SPATS2: variants seen among roughly 807,000 people sequenced by gnomAD.
The protein encoded by SPATS2 is spermatogenesis associated serine rich 2, also known as spermatogenesis-associated serine-rich protein 2.
A neutral mutation model predicts 63.7 loss-of-function variants in SPATS2; 38 were observed. The ratio of observed to expected loss-of-function variants is 0.60; its 90% CI spans 0.46 to 0.78. The LOEUF is 0.78. Ranked by LOEUF, SPATS2 falls within the 30% of genes least tolerant of loss-of-function variation. SPATS2 has a pLI of 0.00. For missense variants in SPATS2, 588 were observed against 666.2 expected (o/e 0.88, Z 1.29); for synonymous variants, 207 against 232.9 (o/e 0.89, Z 1.01).
At chr12:49,370,384 G>A (rs1185374475) in intron 1 of SPATS2, among the ~76,000 whole-genome samples, 1 of 152,148 alleles carries the variant, frequency 6.6e-6, no homozygotes, top group Non-Finnish European at 1.5e-5. Context: ...GCTTTCATTG[G>A]AAACTGGAAG....
chr12:49,491,212 C>T (rs1946377063), intron 6 of SPATS2: 3 of 152,598 alleles, frequency 2.0e-5, no homozygotes, highest in Admixed American at 2.0e-4. Flanking sequence ...ACAGTCCTCT[C>T]CGTGTGATTT....
At chr12:49,395,684 C>T (rs1293379083) in intron 2 of SPATS2, among the ~76,000 whole-genome samples, 1 of 152,150 alleles carries the variant, frequency 6.6e-6, no homozygotes, top group African/African-American at 2.4e-5. Flanking sequence ...CCTCAGCCTC[C>T]CAAAGTGCTG....
chr12:49,516,338 C>T (rs1946850039), intron 10 of SPATS2, among the ~76,000 whole-genome samples: 2 of 144,818 alleles, frequency 1.4e-5, no homozygotes, highest in East Asian at 2.0e-4. Context: ...CCAGCCTGGG[C>T]GATAGAGCAA....
chr12:49,410,027 G>A (rs1295259567), intron 2 of SPATS2, among the ~76,000 whole-genome samples: 1 of 152,202 alleles, frequency 6.6e-6, no homozygotes, highest in Admixed American at 6.5e-5. Flanking sequence ...AAATGGTGAA[G>A]AATTGTAGAA....
At chr12:49,523,900 T>C (rs1435761144) in intron 12 of SPATS2, among the ~76,000 whole-genome samples, 1 of 151,196 alleles carries the variant, frequency 6.6e-6, no homozygotes, top group Non-Finnish European at 1.5e-5. Flanking sequence ...TGCAGTGAGC[T>C]GAGATTGTGC....
intron 2 of SPATS2, among the ~76,000 whole-genome samples, chr12:49,374,150 A>T (rs1250188919): frequency 6.6e-6 from 1 of 151,604 alleles, no homozygotes; most frequent in Non-Finnish European, 1.5e-5. Context: ...TTTTTTTTGG[A>T]AACAGGGTTT....
At chr12:49,458,018 T>C (rs781262563) in intron 2 of SPATS2, among the ~76,000 whole-genome samples, 1 of 152,188 alleles carries the variant, frequency 6.6e-6, no homozygotes, top group Non-Finnish European at 1.5e-5. Flanking sequence ...TTTAAAACTT[T>C]CGCAGAATTA....
At chr12:49,435,197 A>AT (rs1945253281) in intron 2 of SPATS2, among the ~76,000 whole-genome samples, 4 of 150,844 alleles carry the variant, frequency 2.7e-5, no homozygotes. Context: ...TACCCGGCTA[A>AT]TTTTTTGTAT....
intron 2 of SPATS2, among the ~76,000 whole-genome samples, chr12:49,405,129 A>G (rs1048439087): frequency 6.6e-6 from 1 of 152,164 alleles, no homozygotes; most frequent in African/African-American, 2.4e-5. Context: ...GGTTTAACCC[A>G]TTATTATTAT....
intron 2 of SPATS2, among the ~76,000 whole-genome samples, chr12:49,448,461 G>A (rs1206668775): frequency 6.6e-6 from 1 of 151,698 alleles, no homozygotes; most frequent in Non-Finnish European, 1.5e-5. Context: ...TTTTCTTTCA[G>A]TTCAAAATAT....
intron 10 of SPATS2, among the ~76,000 whole-genome samples, chr12:49,514,930 A>AT (rs1946813444): frequency 6.6e-6 from 1 of 152,016 alleles, no homozygotes; most frequent in Non-Finnish European, 1.5e-5. Context: ...TTCCACTGGG[A>AT]TTTTTTCTAC....
At chr12:49,523,677 C>A (rs960111970) in intron 12 of SPATS2, among the ~76,000 whole-genome samples, 1 of 152,016 alleles carries the variant, frequency 6.6e-6, no homozygotes, top group East Asian at 1.9e-4. Context: ...TATTGCCAGG[C>A]GCGGTGGCTC....
intron 2 of SPATS2, among the ~76,000 whole-genome samples, chr12:49,456,304 A>G (rs1405386434): frequency 1.3e-5 from 2 of 152,202 alleles, no homozygotes; most frequent in African/African-American, 4.8e-5. Flanking sequence ...GAGATTGAGG[A>G]AGTATTCCAT....
intron 2 of SPATS2, among the ~76,000 whole-genome samples, chr12:49,435,404 A>T (rs919681738): frequency 1.3e-5 from 2 of 149,050 alleles, no homozygotes; most frequent in Admixed American, 1.3e-4. Flanking sequence ...GGCTTACTGC[A>T]GTTTGTCTCC....
chr12:49,401,112 G>A (rs900850249), intron 2 of SPATS2, among the ~76,000 whole-genome samples: 1 of 151,904 alleles, frequency 6.6e-6, no homozygotes, highest in Admixed American at 6.6e-5. Flanking sequence ...CCTGGGATAA[G>A]CTGTCCTCCT....
intron 2 of SPATS2, among the ~76,000 whole-genome samples, chr12:49,433,258 G>A (rs1945217268): frequency 3.9e-5 from 6 of 152,204 alleles, no homozygotes. Context: ...CGCCTCCCAG[G>A]TTCAAGCGAT....
At chr12:49,509,273 C>A (rs1450171335) in intron 9 of SPATS2, among the ~76,000 whole-genome samples, 1 of 77,806 alleles carries the variant, frequency 1.3e-5, no homozygotes. Context: ...GTTCTAACTT[C>A]TTTTTTTTTT....
At chr12:49,426,700 C>T (rs1182287719) in intron 2 of SPATS2, among the ~76,000 whole-genome samples, 6 of 152,100 alleles carry the variant, frequency 3.9e-5, no homozygotes, top group Admixed American at 6.5e-5. Context: ...CCCGCCACCT[C>T]GCCCAGCTAA....
chr12:49,482,547 C>G (rs1565743391), intron 3 of SPATS2, among the ~76,000 whole-genome samples: 1 of 152,200 alleles, frequency 6.6e-6, no homozygotes, highest in Admixed American at 6.5e-5. Context: ...AAAACAGTAA[C>G]AAGAGGTACA....
Sources: allele counts gnomAD v4.1 joint callset (sites outside exome capture counted in the v4.1 genomes callset), GRCh38; gene constraint gnomAD v4.1.1; transcripts MANE v1.5; gene names NCBI Gene and HGNC (gene_info 2026-07-23, HGNC 2026-07-21).